TENM3: variants seen among roughly 807,000 people sequenced by gnomAD.
TENM3 encodes teneurin transmembrane protein 3, also known as teneurin-3.
In TENM3, 63 loss-of-function variants were observed where a neutral mutation model predicts 255.1. The observed-to-expected ratio is 0.25, with a 90% CI of 0.20 to 0.30. The LOEUF is 0.30. Ranked by LOEUF, TENM3 falls within the 10% of genes least tolerant of loss-of-function variation. The pLI is 1.00. For missense variants in TENM3, 2,929 were observed against 3,461.1 expected (o/e 0.85, Z 3.86); for synonymous variants, 1,306 against 1,322.3 (o/e 0.99, Z 0.27).
At chr4:181,582,424 G>A in the TENM3 span, among the ~76,000 whole-genome samples, 1 of 152,132 alleles carries the variant, frequency 6.6e-6, no homozygotes, top group African/African-American at 2.4e-5. Flanking sequence ...AGAGGCCCAG[G>A]CAGGTGCAGT....
intron 3 of TENM3, among the ~76,000 whole-genome samples, chr4:182,491,654 A>G (rs1348797195): frequency 1.3e-5 from 2 of 152,168 alleles, no homozygotes; most frequent in Non-Finnish European, 2.9e-5. Context: ...CTTTTCTTTT[A>G]AAGGTGAATT....
intron 3 of TENM3, among the ~76,000 whole-genome samples, chr4:182,365,922 T>A (rs917496092): frequency 6.6e-6 from 1 of 152,196 alleles, no homozygotes. Context: ...CCGCAGGCAT[T>A]CATAACACAA....
chr4:182,517,484 C>T (rs937011967), intron 3 of TENM3, among the ~76,000 whole-genome samples: 1 of 145,426 alleles, frequency 6.9e-6, no homozygotes, highest in South Asian at 2.2e-4. Flanking sequence ...CCCGGGTTCA[C>T]GCCATTCTCC....
chr4:182,146,024 C>CT (rs1749942042), intron 1 of TENM3, among the ~76,000 whole-genome samples: 1 of 152,128 alleles, frequency 6.6e-6, no homozygotes, highest in African/African-American at 2.4e-5. Flanking sequence ...GATTTGATCC[C>CT]TTAGTGAATT....
rs117254733 is a variant in TENM3 at position 182,556,363 on chromosome 4, G to A, written c.512-44561G>A. On this transcript the variant is annotated intron_variant, in intron 3 of 27. Coordinates refer to ENST00000511685, the MANE Select transcript of TENM3 (RefSeq NM_001080477.4). ...CAGAGACAAGTCCTTTCAGGAGAAA[G>A]CATTTTGCTTGTAACTTGCAGTGGA... Among the ~76,000 whole-genome samples the A allele has an allele frequency of 2.6e-3, 398 of 152,300 alleles. 2 individuals carry two copies. Among genetic ancestry groups the A allele is most frequent in the East Asian group, 0.02 (106 of 5,182 alleles).
intron 19 of TENM3, among the ~76,000 whole-genome samples, chr4:182,745,567 C>T (rs1761945394): frequency 6.6e-6 from 1 of 152,116 alleles, no homozygotes; most frequent in Non-Finnish European, 1.5e-5. Context: ...ACACAGCAAC[C>T]CCTCAGGGTT....
chr4:182,446,889 AC>A (rs1050095827), intron 3 of TENM3, among the ~76,000 whole-genome samples: 6 of 145,622 alleles, frequency 4.1e-5, no homozygotes, highest in African/African-American at 1.3e-4. Context: ...GTGACCCCCC[AC>A]CCCCCTCAGA....
intron 4 of TENM3, among the ~76,000 whole-genome samples, chr4:182,618,192 C>T (rs1407271239): frequency 6.6e-6 from 1 of 152,098 alleles, no homozygotes; most frequent in Non-Finnish European, 1.5e-5. Context: ...ATGCTAATCT[C>T]CCATTGAGGA....
chr4:182,069,686 A>ACACACACAC, the TENM3 span, among the ~76,000 whole-genome samples: 4 of 149,450 alleles, frequency 2.7e-5, no homozygotes, highest in African/African-American at 9.9e-5. Context: ...TAGATGCATA[A>ACACACACAC]ACACACACAC....
At chr4:182,795,390 C>T (rs1380372297) in intron 26 of TENM3, among the ~76,000 whole-genome samples, 1 of 151,980 alleles carries the variant, frequency 6.6e-6, no homozygotes, top group Non-Finnish European at 1.5e-5. Context: ...AAAATAAGGC[C>T]CTCCCACCCC....
At chr4:182,065,608 C>A in the TENM3 span, among the ~76,000 whole-genome samples, 1 of 152,200 alleles carries the variant, frequency 6.6e-6, no homozygotes, top group Admixed American at 6.5e-5. Flanking sequence ...CACCTCCCAC[C>A]CGGCCCCTCC....
the TENM3 span, among the ~76,000 whole-genome samples, chr4:181,666,867 T>C: frequency 6.6e-6 from 1 of 152,306 alleles, no homozygotes; most frequent in African/African-American, 2.4e-5. Context: ...TTCCCATCGC[T>C]CTGCCCTTGG....
chr4:182,138,367 C>T, the TENM3 span, among the ~76,000 whole-genome samples: 1 of 152,150 alleles, frequency 6.6e-6, no homozygotes, highest in Non-Finnish European at 1.5e-5. Flanking sequence ...GAATTTATAG[C>T]TCAATTTAAC....
intron 1 of TENM3, among the ~76,000 whole-genome samples, chr4:182,299,976 C>T (rs576311066): frequency 3.3e-5 from 5 of 150,692 alleles, no homozygotes; most frequent in Admixed American, 6.6e-5. Flanking sequence ...AGTGCAGTGG[C>T]GCAATCTTGG....
At chr4:182,632,261 G>A (rs186183257) in intron 5 of TENM3, among the ~76,000 whole-genome samples, 2 of 152,104 alleles carry the variant, frequency 1.3e-5, no homozygotes. Flanking sequence ...ACCTGTGTCC[G>A]TGCATGTTGG....
At chr4:182,701,952 A>T (rs1757910232) in intron 12 of TENM3, among the ~76,000 whole-genome samples, 1 of 152,230 alleles carries the variant, frequency 6.6e-6, no homozygotes. Flanking sequence ...AAGGATAGGG[A>T]TATGCATGTA....
chr4:181,634,647 A>C, the TENM3 span, among the ~76,000 whole-genome samples: 1 of 152,150 alleles, frequency 6.6e-6, no homozygotes, highest in Non-Finnish European at 1.5e-5. Context: ...TTTCAGATTA[A>C]TGTGCTAAAA....
the TENM3 span, among the ~76,000 whole-genome samples, chr4:181,458,163 A>G: frequency 6.6e-6 from 1 of 151,974 alleles, no homozygotes; most frequent in Non-Finnish European, 1.5e-5. Context: ...GTGTTAGCTT[A>G]AAAATCAAGA....
At chr4:182,123,754 G>A in the TENM3 span, among the ~76,000 whole-genome samples, 54 of 152,178 alleles carry the variant, frequency 3.5e-4, no homozygotes, top group African/African-American at 1.3e-3. Context: ...AGCACACGCT[G>A]TTGGAAAAAT....
Sources: allele counts gnomAD v4.1 joint callset (sites outside exome capture counted in the v4.1 genomes callset), GRCh38; gene constraint gnomAD v4.1.1; transcripts MANE v1.5; gene names NCBI Gene and HGNC (gene_info 2026-07-23, HGNC 2026-07-21).